The following CADPS variants were observed in gnomAD, a reference collection of about 807,000 sequenced individuals.
CADPS encodes the protein calcium-dependent secretion activator 1.
In CADPS, 57 loss-of-function variants were observed where a neutral mutation model predicts 167.3. The observed-to-expected ratio is 0.34, with a 90% confidence interval of 0.28 to 0.42. CADPS has a LOEUF of 0.42. CADPS is among the 20% of genes least tolerant of loss of function. The pLI is 1.00. For missense variants in CADPS, 1,414 were observed against 1,738.1 expected, an observed-to-expected ratio of 0.81 and a Z score of 3.32; for synonymous variants, 676 against 635.3, an observed-to-expected ratio of 1.06 and a Z score of -0.96.
chr3:62,747,768 C>T (rs1482868115), intron 3 of CADPS, among the ~76,000 whole-genome samples: 2 of 152,266 alleles, frequency 1.3e-5, no homozygotes, highest in East Asian at 3.9e-4. Context: ...AACAGATTAT[C>T]GTCTTATCCT....
chr3:62,794,797 A>T (rs2093274985), intron 1 of CADPS, among the ~76,000 whole-genome samples: 1 of 151,692 alleles, frequency 6.6e-6, no homozygotes, highest in Non-Finnish European at 1.5e-5. Context: ...AAAAAAAAAA[A>T]AAAAAATGCA....
At chr3:62,697,613 T>G (rs1431252388) in intron 3 of CADPS, among the ~76,000 whole-genome samples, 1 of 152,102 alleles carries the variant, frequency 6.6e-6, no homozygotes, top group Non-Finnish European at 1.5e-5. Flanking sequence ...TTCCTCTGGA[T>G]AGATATCCAG....
At chr3:62,422,223 A>G (rs1039366121) in intron 28 of CADPS, among the ~76,000 whole-genome samples, 2 of 152,152 alleles carry the variant, frequency 1.3e-5, no homozygotes, top group Non-Finnish European at 2.9e-5. Flanking sequence ...GTGTTCAGAA[A>G]CCACAGGCAA....
intron 3 of CADPS, among the ~76,000 whole-genome samples, chr3:62,681,071 TC>T (rs2151029331): frequency 6.6e-6 from 1 of 152,066 alleles, no homozygotes; most frequent in East Asian, 1.9e-4. Flanking sequence ...CCCTTCCCTG[TC>T]TTTGCTGACA....
chr3:62,420,972 T>A lies in CADPS; in HGVS notation c.3777+17132A>T, dbSNP rs911309390. Among the ~76,000 whole-genome samples, 6 of 151,942 alleles carry A rather than the reference T, an allele frequency of 3.9e-5. No individual in the cohort carries two copies. Among genetic ancestry groups the A allele is most frequent in the Non-Finnish European group, 8.8e-5 (6 of 67,990 alleles). ...CCTGGGGAGCCAGCCATCTCATTTC[T>A]GTAAAAGGCACAAACCTCAGACCAT... On this transcript the variant is annotated intron_variant, in intron 28 of 29. Coordinates refer to ENST00000383710, the MANE Select transcript of CADPS (RefSeq NM_003716.4). This position sits in a 1 kb window ranked among gnomAD's most constrained non-coding sequence, Gnocchi z 4.1.
At chr3:62,860,616 C>G (rs2080604187) in intron 1 of CADPS, among the ~76,000 whole-genome samples, 2 of 152,134 alleles carry the variant, frequency 1.3e-5, no homozygotes. Context: ...GCTGTAAAAT[C>G]ACTATATTAA....
chr3:62,874,550 G>T lies in CADPS; in HGVS notation c.441+39C>A. 2 of 1,484,058 alleles carry T rather than the reference G, an allele frequency of 1.3e-6. No homozygotes were observed. The highest frequency in any genetic ancestry group is 1.8e-6 in the Non-Finnish European group (2 of 1,092,624). The allele number at this position is 1,484,058 out of a possible 1,614,324, so 91.9% of individuals were successfully genotyped here. A position where few individuals can be genotyped will look rare whatever the true frequency, so the allele number is the denominator to read the frequency against. ...TTGTTCACCCCGCCCGCCTGGCGAC[G>T]TCCGGGTGCTGCTCCCTGGGCCTCC... On this transcript the variant is annotated intron_variant, in intron 1 of 29. Transcript: ENST00000383710. This position sits in a 1 kb window ranked among gnomAD's most constrained non-coding sequence, Gnocchi z 7.1.
intron 1 of CADPS, among the ~76,000 whole-genome samples, chr3:62,806,819 G>C (rs751403644): frequency 9.2e-5 from 14 of 152,172 alleles, no homozygotes; most frequent in Non-Finnish European, 1.5e-4. Flanking sequence ...ACTGTCTGCA[G>C]TTGAAAAGGC....
chr3:62,717,385 G>A (rs1420070521), intron 3 of CADPS, among the ~76,000 whole-genome samples: 2 of 152,132 alleles, frequency 1.3e-5, no homozygotes, highest in East Asian at 1.9e-4. Flanking sequence ...CCTGAGCTCC[G>A]TGTATATTTA....
chr3:62,742,149 T>A (rs2080400740), intron 3 of CADPS, among the ~76,000 whole-genome samples: 1 of 152,082 alleles, frequency 6.6e-6, no homozygotes, highest in African/African-American at 2.4e-5. Context: ...TGGAAAAACA[T>A]CCAATGCTCA....
intron 21 of CADPS, among the ~76,000 whole-genome samples, chr3:62,489,705 G>T (rs1333555008): frequency 3.3e-5 from 5 of 152,150 alleles, no homozygotes; most frequent in Non-Finnish European, 2.9e-5. Context: ...GGTAGTAGTA[G>T]TCTCCGTATT....
rs1491429269 is a variant in CADPS at position 62,599,780 on chromosome 3, T to TATATTATATATAG, written c.1326-7033_1326-7032insCTATATATAATAT. On this transcript the variant is annotated intron_variant, in intron 6 of 29. Coordinates refer to ENST00000383710, the MANE Select transcript of CADPS (RefSeq NM_003716.4). ...ATATATTGTATATATAATATATATA[T>TATATTATATATAG]TATATATAATATATATAATATATAA... is the stretch of plus-strand genomic sequence containing the variant. 1.9e-3 allele frequency among the ~76,000 whole-genome samples: 23 copies of TATATTATATATAG among 12,318 alleles called. 2 individuals carry two copies. Among genetic ancestry groups the TATATTATATATAG allele is most frequent in the Admixed American group, 6.4e-3 (4 of 622 alleles). 8.1% of individuals were successfully genotyped at this position (12,318 alleles called of 152,430 possible). A position where few individuals can be genotyped will look rare whatever the true frequency, so the allele number is the denominator to read the frequency against.
chr3:62,413,746 A>T (rs1203640920), intron 28 of CADPS, among the ~76,000 whole-genome samples: 1 of 152,200 alleles, frequency 6.6e-6, no homozygotes, highest in African/African-American at 2.4e-5. Context: ...AAGACAGTAC[A>T]TTTTTTGTTA....
intron 9 of CADPS, among the ~76,000 whole-genome samples, chr3:62,564,145 G>A (rs574335940): frequency 6.6e-6 from 1 of 152,212 alleles, no homozygotes; most frequent in South Asian, 2.1e-4. Context: ...GGGACTACAG[G>A]TGCCCGCCAC....
intron 3 of CADPS, among the ~76,000 whole-genome samples, chr3:62,709,874 A>G (rs937404478): frequency 1.3e-5 from 2 of 151,892 alleles, no homozygotes; most frequent in Non-Finnish European, 2.9e-5. Context: ...GGTTCAAGCA[A>G]TTCTCATCCC....
chr3:62,743,649 C>T (rs2080810165), intron 3 of CADPS, among the ~76,000 whole-genome samples: 1 of 152,174 alleles, frequency 6.6e-6, no homozygotes, highest in South Asian at 2.1e-4. Context: ...TTCAACCATC[C>T]TCTGAAGACT....
intron 19 of CADPS, 127 bp from the exon 20 acceptor site, chr3:62,492,573 T>G: frequency 1.1e-6 from 1 of 932,396 alleles, no homozygotes; most frequent in Non-Finnish European, 1.7e-6. Context: ...GTAATTTTAT[T>G]GTAAAGAGAA....
intron 6 of CADPS, among the ~76,000 whole-genome samples, chr3:62,608,188 T>C (rs554749763): frequency 1.1e-4 from 16 of 152,120 alleles, no homozygotes; most frequent in Admixed American, 3.9e-4. Context: ...TAGTCACTCT[T>C]ACTGTGGGAC....
At chr3:62,805,197 G>T (rs1388169053) in intron 1 of CADPS, among the ~76,000 whole-genome samples, 3 of 152,106 alleles carry the variant, frequency 2.0e-5, no homozygotes. Context: ...ATGGGGTTAG[G>T]GGTCAAAATT....
Sources: allele counts gnomAD v4.1 joint callset (sites outside exome capture counted in the v4.1 genomes callset), GRCh38; gene constraint gnomAD v4.1.1; non-coding constraint Gnocchi (gnomAD v3.1); transcripts MANE v1.5; gene names NCBI Gene and HGNC (gene_info 2026-07-23, HGNC 2026-07-21).